SLC2A1: variants seen among roughly 807,000 people sequenced by gnomAD.
SLC2A1 encodes solute carrier family 2 member 1, also known as solute carrier family 2, facilitated glucose transporter member 1.
SLC2A1 carries 4 observed loss-of-function variants against 46.6 expected under a neutral mutation model. The ratio of observed to expected loss-of-function variants is 0.09; its 90% CI spans 0.04 to 0.20. SLC2A1 has a LOEUF of 0.20. Ranked by LOEUF, SLC2A1 falls within the 10% of genes least tolerant of loss-of-function variation. SLC2A1 has a pLI of 1.00. For synonymous variants in SLC2A1, 253 were observed against 270.0 expected (o/e 0.94, Z 0.62); for missense variants, 352 against 667.0 (o/e 0.53, Z 5.20).
chr1:42,947,308 G>A (rs952108583), intron 1 of SLC2A1, among the ~76,000 whole-genome samples: 3 of 152,136 alleles, frequency 2.0e-5, no homozygotes, highest in Admixed American at 6.5e-5. Flanking sequence ...ATCCCCAGCA[G>A]CCCATCAGCA....
At chr1:42,938,922 C>T (rs1643569143) in intron 2 of SLC2A1, among the ~76,000 whole-genome samples, 1 of 152,242 alleles carries the variant, frequency 6.6e-6, no homozygotes, top group Middle Eastern at 3.2e-3. Context: ...GACACTCTGG[C>T]TTTCTCCAAG....
chr1:42,935,337 CA>C (rs1643531600), intron 2 of SLC2A1, among the ~76,000 whole-genome samples: 1 of 152,142 alleles, frequency 6.6e-6, no homozygotes, highest in African/African-American at 2.4e-5. Flanking sequence ...GAGGCCTGCC[CA>C]AGCCTAAGGA....
rs138441972 is a variant in SLC2A1, at chr1:42,927,722, T to G, written c.1161A>C (p.Pro387=). The G allele has an allele frequency of 6.2e-7, 1 of 1,613,912 alleles. No homozygotes were observed. Among genetic ancestry groups the G allele is most frequent in the African/African-American group, 1.3e-5 (1 of 74,882 alleles). ...AFFEVGPGPI[P]WFIVAELFSQ... is the part of the protein sequence containing the mutation. ...TGAAGAGTTCAGCCACGATGAACCA[T>G]GGGATGGGGCCAGGACCCACTTCAA... is the stretch of plus-strand genomic sequence containing the variant. Residue 387 remains proline, a synonymous_variant, in exon 9 of 10, where the codon CCA becomes CCC. Transcript: ENST00000426263. The surrounding 1 kb of genome is among the most constrained non-coding windows in gnomAD (Gnocchi z 5.3).
At position 42,927,862 on chromosome 1, in the gene SLC2A1, C is replaced by T. The variant is rs1643444581; in HGVS notation, c.1075-54G>A. On this transcript the variant is annotated intron_variant, in intron 8 of 9. Coordinates refer to ENST00000426263, the MANE Select transcript of SLC2A1 (RefSeq NM_006516.4). This position sits in a 1 kb window ranked among gnomAD's most constrained non-coding sequence, Gnocchi z 5.3. Reference sequence around the variant, plus strand: ...GTTAGACTGGGTTGTGATGGATCCTCAGGGGAAACAGAAGCTACAGAGGCC... The same window carrying T: ...GTTAGACTGGGTTGTGATGGATCCTTAGGGGAAACAGAAGCTACAGAGGCC... 3 of 1,357,520 alleles carry T rather than the reference C, an allele frequency of 2.2e-6. No individual in the cohort carries two copies. Among genetic ancestry groups the T allele is most frequent in the African/African-American group, 1.4e-5 (1 of 69,654 alleles). The allele number at this position is 1,357,520 out of a possible 1,614,324, so 84.1% of individuals were successfully genotyped here. A position where few individuals can be genotyped will look rare whatever the true frequency, so the allele number is the denominator to read the frequency against.
chr1:42,949,820 A>G (rs1232237715), intron 1 of SLC2A1, among the ~76,000 whole-genome samples: 1 of 151,784 alleles, frequency 6.6e-6, no homozygotes, highest in Non-Finnish European at 1.5e-5. Context: ...GAACCAGGGG[A>G]CTCTAGGCTT....
chr1:42,932,736 C>T (rs1643505534), intron 2 of SLC2A1, among the ~76,000 whole-genome samples: 1 of 152,162 alleles, frequency 6.6e-6, no homozygotes, highest in African/African-American at 2.4e-5. Flanking sequence ...GCCTGCAGTC[C>T]CAGAAATGCC....
chr1:42,957,009 C>G (rs1643783502), intron 1 of SLC2A1, among the ~76,000 whole-genome samples: 1 of 152,230 alleles, frequency 6.6e-6, no homozygotes, highest in Admixed American at 6.5e-5. Flanking sequence ...TTCTCCTCCA[C>G]TTTTCTGTCT....
intron 1 of SLC2A1, among the ~76,000 whole-genome samples, chr1:42,956,934 T>A (rs1419573033): frequency 6.6e-6 from 1 of 152,150 alleles, no homozygotes; most frequent in Non-Finnish European, 1.5e-5. Flanking sequence ...TCCAGGCTAG[T>A]GAGTAACCAG....
At chr1:42,956,930 C>G (rs996773667) in intron 1 of SLC2A1, among the ~76,000 whole-genome samples, 1 of 152,164 alleles carries the variant, frequency 6.6e-6, no homozygotes, top group African/African-American at 2.4e-5. Flanking sequence ...GAGCTCCAGG[C>G]TAGTGAGTAA....
intron 1 of SLC2A1, among the ~76,000 whole-genome samples, chr1:42,958,109 C>T (rs913089324): frequency 6.6e-6 from 1 of 152,140 alleles, no homozygotes; most frequent in Non-Finnish European, 1.5e-5. Flanking sequence ...CACCTCGCAC[C>T]AGGCCGCCCA....
intron 2 of SLC2A1, among the ~76,000 whole-genome samples, chr1:42,939,949 T>C (rs1401160861): frequency 3.3e-5 from 2 of 59,902 alleles, no homozygotes; most frequent in African/African-American, 9.2e-5. Flanking sequence ...CAAGACTCCG[T>C]CTCAAAAAAA....
chr1:42,939,456 G>T (rs375062613), intron 2 of SLC2A1, among the ~76,000 whole-genome samples: 2 of 152,344 alleles, frequency 1.3e-5, no homozygotes, highest in African/African-American at 4.8e-5. Flanking sequence ...CCTTTGGACA[G>T]GTGACCATAC....
rs751962728 is a variant in SLC2A1 at position 42,930,833 on chromosome 1, G to A, written c.309C>T (p.Ala103=). Residue 103 remains alanine, a synonymous_variant, in exon 4 of 10, where the codon GCC becomes GCT. Coordinates refer to ENST00000426263, the MANE Select transcript of SLC2A1 (RefSeq NM_006516.4). This position sits in a 1 kb window ranked among gnomAD's most constrained non-coding sequence, Gnocchi z 6.2. ...AGCCCATGAGCACGGCGGACACGAAGGCCAGCAGGTTCATCATCAGCATTG... is the reference window on the plus strand; with the variant it reads ...AGCCCATGAGCACGGCGGACACGAAAGCCAGCAGGTTCATCATCAGCATTG... ...RNSMLMMNLL[A]FVSAVLMGFS... 1.9e-6 allele frequency: 3 copies of A among 1,600,776 alleles called. No homozygotes were observed. The East Asian group carries it at 6.7e-5, about 36-fold the overall frequency.
intron 1 of SLC2A1, among the ~76,000 whole-genome samples, chr1:42,944,709 G>C (rs1360114737): frequency 6.6e-6 from 1 of 152,206 alleles, no homozygotes; most frequent in Non-Finnish European, 1.5e-5. Context: ...GGCCCAGGAG[G>C]AGTGTGCAGC....
At chr1:42,958,454 G>C (rs1643804604) in intron 1 of SLC2A1, among the ~76,000 whole-genome samples, 180 bp downstream of exon 1, 1 of 150,556 alleles carries the variant, frequency 6.6e-6, no homozygotes, top group Non-Finnish European at 1.5e-5. Context: ...TCCCCACTGC[G>C]GCCAGCGGCC....
Position 42,925,811 on chromosome 1 carries a change from A to C in SLC2A1, c.*1230T>G, listed in dbSNP as rs767196944. 1 of 152,136 alleles carries C rather than the reference A, an allele frequency of 6.6e-6. No homozygotes were observed. The highest frequency in any genetic ancestry group is 2.1e-4 in the South Asian group (1 of 4,826). The allele number at this position is 152,136 out of a possible 1,614,324, so 9.4% of individuals were successfully genotyped here. Reference sequence around the variant, plus strand: ...TTCACTGTGCGACTTCAGGCACATAACCTCTTTGAGCCTGTCCAATAAAGG... The same window carrying C: ...TTCACTGTGCGACTTCAGGCACATACCCTCTTTGAGCCTGTCCAATAAAGG... On this transcript the variant is annotated 3_prime_UTR_variant, in exon 10 of 10. Coordinates refer to ENST00000426263, the MANE Select transcript of SLC2A1 (RefSeq NM_006516.4).
Position 42,930,092 on chromosome 1 carries a change from C to T in SLC2A1, c.517-57G>A. On this transcript the variant is annotated intron_variant, in intron 4 of 9. Coordinates refer to ENST00000426263, the MANE Select transcript of SLC2A1 (RefSeq NM_006516.4). The surrounding 1 kb of genome is among the most constrained non-coding windows in gnomAD (Gnocchi z 6.2). Reference sequence around the variant, plus strand: ...CCCTGACCCCCTTTCCCACCCCGTCCTGCCAGAGTGGCCTTCCCTACTTTG... The same window carrying T: ...CCCTGACCCCCTTTCCCACCCCGTCTTGCCAGAGTGGCCTTCCCTACTTTG... 6.3e-7 allele frequency: 1 copy of T among 1,597,704 alleles called. No homozygotes were observed. Among genetic ancestry groups the T allele is most frequent in the Non-Finnish European group, 8.6e-7 (1 of 1,169,368 alleles).
At chr1:42,943,348 T>C (rs746611974) in intron 1 of SLC2A1, 27 bp from the exon 2 acceptor site, 26 of 1,558,394 alleles carry the variant, frequency 1.7e-5, no homozygotes, top group South Asian at 1.0e-4. Flanking sequence ...CACACTGTTA[T>C]AGGCGTGTCT....
chr1:42,946,266 C>A (rs1327289324), intron 1 of SLC2A1, among the ~76,000 whole-genome samples: 1 of 152,182 alleles, frequency 6.6e-6, no homozygotes, highest in East Asian at 1.9e-4. Context: ...AACCTGCCTA[C>A]CCACTCCCTG....
Sources: gnomAD v4.1 joint callset for allele counts (sites outside exome capture counted in the v4.1 genomes callset) on GRCh38, gnomAD v4.1.1 for gene constraint, Gnocchi (gnomAD v3.1) non-coding constraint, MANE v1.5 for transcripts, NCBI Gene and HGNC (gene_info 2026-07-23, HGNC 2026-07-21) for gene names.